Variants in DST observed in about 807,000 individuals in gnomAD.
DST encodes bullous pemphigoid antigen.
Under a neutral mutation model 875.2 loss-of-function variants are expected in DST, and 253 were observed. The ratio of observed to expected loss-of-function variants is 0.29; its 90% CI spans 0.26 to 0.32. The LOEUF (loss-of-function observed/expected upper bound fraction) is 0.32. Among genes scored for constraint, DST ranks in the 10% least tolerant of loss-of-function variants. The pLI, the probability that DST is intolerant of heterozygous loss-of-function variation, is 1.00. For synonymous variants in DST, 3,124 were observed against 3,197.1 expected (o/e 0.98, Z 0.77); for missense variants, 8,287 against 9,111.6 (o/e 0.91, Z 3.68).
intron 4 of DST, among the ~76,000 whole-genome samples, chr6:56,738,409 C>T (rs112402239): frequency 0.013 from 2,006 of 152,310 alleles, 40 homozygotes; most frequent in African/African-American, 0.046. Context: ...CAACCTCCGC[C>T]TCCCAGGTGC....
intron 94 of DST, 22 bp downstream of exon 94, chr6:56,472,037 T>C: frequency 1.2e-6 from 2 of 1,612,678 alleles, no homozygotes; most frequent in Non-Finnish European, 1.7e-6. Flanking sequence ...CAATGTGGTG[T>C]TGAGGGTATG....
In DST at chr6:56,492,270, T is replaced by C; in HGVS notation, c.20714A>G (p.Glu6905Gly). 6.2e-7 allele frequency: 1 copy of C among 1,613,918 alleles called. No homozygotes were observed. The highest frequency in any genetic ancestry group is 8.5e-7 in the Non-Finnish European group (1 of 1,179,812). Residue 6905 changes from glutamate to glycine, a missense_variant, in exon 85 of 104, where the codon GAG becomes GGG. By Grantham distance (98) the Glu-to-Gly change is moderately conservative. Around this residue, in one of 10 missense-constraint regions of DST, gnomAD observed 1,292 missense variants for 1,552.7 expected, o/e 0.83. Transcript: ENST00000680361. ...RWEKVVQRLV[E>G]RGRSLDDARK... ...TGCATCATCCAAAGATCTTCCTCTC[T>C]CTACCAACCGTTGAACCACTTTTTC...
chr6:56,884,854 A>T (rs79466216), intron 3 of DST, among the ~76,000 whole-genome samples: 1 of 151,378 alleles, frequency 6.6e-6, no homozygotes, highest in Non-Finnish European at 1.5e-5. Context: ...TCAGCCTCCC[A>T]GGTAGCTGAG....
At chr6:56,734,163 A>T (rs924083942) in intron 5 of DST, among the ~76,000 whole-genome samples, 3 of 152,254 alleles carry the variant, frequency 2.0e-5, no homozygotes, top group African/African-American at 2.4e-5. Context: ...TTCCTCACAA[A>T]GCAGAGGGTT....
chr6:56,758,082 C>A (rs573074430), intron 4 of DST, among the ~76,000 whole-genome samples: 6 of 152,162 alleles, frequency 3.9e-5, no homozygotes, highest in South Asian at 2.1e-4. Flanking sequence ...TATAATCAAG[C>A]GCGTACAACT....
In DST at chr6:56,492,239, C is replaced by T. The variant is rs767655052; in HGVS notation, c.20745G>A (p.Lys6915=). Residue 6915 remains lysine, a synonymous_variant, in exon 85 of 104, where the codon AAG becomes AAA. Transcript: ENST00000680361. ...AAAGGGTTATTACCTGCTTGGCTCT[C>T]TTCCTTGCATCATCCAAAGATCTTC... The part of the protein sequence containing the change: ...ERGRSLDDAR[K]RAKQFHEAWS... 6.2e-7 allele frequency: 1 copy of T among 1,613,614 alleles called. No homozygotes were observed. The highest frequency in any genetic ancestry group is 8.5e-7 in the Non-Finnish European group (1 of 1,179,742).
chr6:56,558,686 C>T (rs777004499), intron 58 of DST, among the ~76,000 whole-genome samples: 3 of 152,106 alleles, frequency 2.0e-5, no homozygotes, highest in Non-Finnish European at 4.4e-5. Flanking sequence ...TAACTAACTC[C>T]TCGTTACCTA....
chr6:56,492,582 C>G (rs1477767165), intron 84 of DST, 149 bp from the exon 85 acceptor site: 5 of 856,580 alleles, frequency 5.8e-6, no homozygotes, highest in African/African-American at 3.4e-5. Context: ...TTAAAAAGGC[C>G]TGCTGTCAGC....
intron 5 of DST, among the ~76,000 whole-genome samples, chr6:56,723,369 A>T (rs1435934004): frequency 6.6e-6 from 1 of 152,200 alleles, no homozygotes; most frequent in Non-Finnish European, 1.5e-5. Flanking sequence ...GTTCGAGACC[A>T]GCCTGAACAA....
In DST at chr6:56,636,567, G is replaced by T. The variant is rs760457066; in HGVS notation, c.3050C>A (p.Ala1017Glu). 1 of 1,612,228 alleles carries T rather than the reference G, an allele frequency of 6.2e-7. No individual in the cohort carries two copies. The highest frequency in any genetic ancestry group is 8.5e-7 in the Non-Finnish European group (1 of 1,179,502). ...CVEQHIKENT[A>E]YFEFFNDAKE... ...ATTCTACTCACATACCTCGAAATAC[G>T]CTGTGTTCTCCTTTATGTGCTGCTC... The change falls in exon 23 of 104, where the codon GCG becomes GAG. Residue 1017 changes from alanine to glutamate, a missense_variant. Ala to Glu is a moderately radical substitution (Grantham distance 107, BLOSUM62 -1). This residue lies in a region of DST where 1,160 missense variants were observed against 1,424.3 expected (regional missense o/e 0.81). Transcript: ENST00000680361.
chr6:56,496,657 A>C (rs973039410), intron 82 of DST, among the ~76,000 whole-genome samples: 2 of 152,076 alleles, frequency 1.3e-5, no homozygotes, highest in African/African-American at 2.4e-5. Flanking sequence ...ATACAGGCTT[A>C]TTTTGTGGGG....
intron 3 of DST, among the ~76,000 whole-genome samples, chr6:56,873,707 G>A (rs970652653): frequency 6.6e-6 from 1 of 152,116 alleles, no homozygotes; most frequent in Admixed American, 6.6e-5. Context: ...ACCAGAAGCT[G>A]GGAAGGTTGG....
intron 85 of DST, among the ~76,000 whole-genome samples, chr6:56,490,012 G>A (rs894368172): frequency 1.3e-5 from 2 of 152,084 alleles, no homozygotes; most frequent in African/African-American, 4.8e-5. Flanking sequence ...TTTACTTCTA[G>A]GGAATTTAAT....
chr6:56,704,040 A>C (rs2099322661), intron 6 of DST, among the ~76,000 whole-genome samples: 1 of 152,208 alleles, frequency 6.6e-6, no homozygotes, highest in South Asian at 2.1e-4. Flanking sequence ...CAAAAATAGT[A>C]TTTTAATTAT....
intron 48 of DST, among the ~76,000 whole-genome samples, chr6:56,593,369 T>C (rs1408551094): frequency 6.6e-6 from 1 of 151,506 alleles, no homozygotes; most frequent in Non-Finnish European, 1.5e-5. Context: ...GAAAAAAAAT[T>C]AGACGGGCGT....
intron 3 of DST, among the ~76,000 whole-genome samples, chr6:56,870,180 C>T (rs1776340581): frequency 6.6e-6 from 1 of 152,006 alleles, no homozygotes; most frequent in African/African-American, 2.4e-5. Context: ...TGACCACATC[C>T]ACCTTTAAAC....
intron 5 of DST, among the ~76,000 whole-genome samples, chr6:56,726,031 C>G (rs1361555795): frequency 6.6e-6 from 1 of 152,130 alleles, no homozygotes; most frequent in African/African-American, 2.4e-5. Flanking sequence ...CAGCATTGTG[C>G]CATCCAGTCA....
chr6:56,464,077 T>A, intron 100 of DST: 1 of 422,480 alleles, frequency 2.4e-6, no homozygotes, highest in South Asian at 2.1e-5. Context: ...TGCTAAAATA[T>A]CATTAATCCA....
At chr6:56,612,019 G>A (rs1405411039) in intron 37 of DST, among the ~76,000 whole-genome samples, 1 of 152,144 alleles carries the variant, frequency 6.6e-6, no homozygotes, top group East Asian at 1.9e-4. Context: ...TAGACACAAT[G>A]TTCCTTTTGA....
Sources: gnomAD v4.1 joint callset for allele counts (sites outside exome capture counted in the v4.1 genomes callset) on GRCh38, gnomAD v4.1.1 for gene constraint, gnomAD v4.1.1 regional missense constraint, MANE v1.5 for transcripts, NCBI Gene and HGNC (gene_info 2026-07-23, HGNC 2026-07-21) for gene names.